Variants in DENND4A observed in about 807,000 individuals in gnomAD.
DENND4A encodes the protein C-myc promoter-binding protein.
In DENND4A, 70 loss-of-function variants were observed where a neutral mutation model predicts 199.3. The observed-to-expected ratio is 0.35, with a 90% CI of 0.29 to 0.43. The LOEUF (loss-of-function observed/expected upper bound fraction) is 0.43, where lower values mean the gene tolerates loss of function less well. DENND4A is among the 20% of genes least tolerant of loss of function. The pLI is 1.00. For missense variants in DENND4A, 1,723 were observed against 2,255.8 expected (o/e 0.76, Z 4.78); for synonymous variants, 686 against 766.9 (o/e 0.89, Z 1.74).
intron 1 of DENND4A, among the ~76,000 whole-genome samples, chr15:65,788,083 T>A (rs534025959): frequency 3.2e-4 from 48 of 150,226 alleles, no homozygotes; most frequent in African/African-American, 1.1e-3. Context: ...ATTTATTTAT[T>A]TTTTTTTTTT....
At chr15:65,693,161 A>G (rs962766734) in intron 22 of DENND4A, among the ~76,000 whole-genome samples, 2 of 152,222 alleles carry the variant, frequency 1.3e-5, no homozygotes, top group Non-Finnish European at 2.9e-5. Flanking sequence ...CAAAGACTGC[A>G]AACTATTTAA....
intron 17 of DENND4A, 144 bp from the exon 18 acceptor site, chr15:65,702,034 A>C (rs1567022523): frequency 1.7e-6 from 2 of 1,184,592 alleles, no homozygotes; most frequent in Non-Finnish European, 2.4e-6. Flanking sequence ...AGGGCAAGGC[A>C]GGTGAAGCTC....
At chr15:65,725,134 T>A (rs2075763599) in intron 11 of DENND4A, among the ~76,000 whole-genome samples, 1 of 152,234 alleles carries the variant, frequency 6.6e-6, no homozygotes, top group South Asian at 2.1e-4. Flanking sequence ...TCTATGATCA[T>A]CTTCTTATAA....
intron 24 of DENND4A, among the ~76,000 whole-genome samples, chr15:65,676,140 A>AT (rs1468130941): frequency 1.2e-4 from 17 of 136,626 alleles, no homozygotes; most frequent in African/African-American, 3.7e-4. Context: ...TAATAAGGAA[A>AT]AATATATATA....
At chr15:65,704,276 C>G (rs2074972072) in intron 15 of DENND4A, among the ~76,000 whole-genome samples, 1 of 151,936 alleles carries the variant, frequency 6.6e-6, no homozygotes, top group African/African-American at 2.4e-5. Flanking sequence ...CGGTGTTTTC[C>G]CAATTATGGT....
In DENND4A at chr15:65,696,363, T is replaced by C; in HGVS notation, c.3082+3A>G. On this transcript the variant is annotated splice_donor_region_variant and intron_variant, in intron 22 of 32. Transcript: ENST00000443035. ...CATAACACAAGCGTACTATTCAACT[T>C]ACCCATGCTTTCTCCTGATATTTTA... is the stretch of plus-strand genomic sequence containing the variant. 6.2e-7 allele frequency: 1 copy of C among 1,611,390 alleles called. No homozygotes were observed. The highest frequency in any genetic ancestry group is 8.5e-7 in the Non-Finnish European group (1 of 1,178,198).
intron 2 of DENND4A, among the ~76,000 whole-genome samples, chr15:65,757,269 G>C (rs993607795): frequency 1.3e-5 from 2 of 148,600 alleles, no homozygotes; most frequent in African/African-American, 2.5e-5. Context: ...AGATGGGGGG[G>C]GGGGGGTCTC....
chr15:65,662,063 A>G, intron 32 of DENND4A, 76 bp from the exon 33 acceptor site: 1 of 1,232,048 alleles, frequency 8.1e-7, no homozygotes, highest in East Asian at 2.5e-5. Flanking sequence ...TTTCTATAAT[A>G]CTACAGAAAC....
intron 1 of DENND4A, among the ~76,000 whole-genome samples, chr15:65,774,055 C>T (rs528636590): frequency 1.3e-5 from 2 of 152,324 alleles, no homozygotes; most frequent in East Asian, 1.9e-4. Context: ...AAGAAAAATA[C>T]TGATATAAAA....
At chr15:65,738,272 A>G (rs969264409) in intron 6 of DENND4A, among the ~76,000 whole-genome samples, 5 of 152,230 alleles carry the variant, frequency 3.3e-5, no homozygotes, top group African/African-American at 1.2e-4. Context: ...AACTTTAGAT[A>G]ACGAAATACA....
At chr15:65,696,324 C>G (rs1394685609) in intron 22 of DENND4A, 42 bp downstream of exon 22, 12 of 1,584,786 alleles carry the variant, frequency 7.6e-6, no homozygotes, top group Non-Finnish European at 9.4e-6. Context: ...CATACAGATA[C>G]AATTTATTCC....
chr15:65,706,446 TAACACACACACAC>T (rs2075053335), intron 14 of DENND4A, among the ~76,000 whole-genome samples: 1 of 94,722 alleles, frequency 1.1e-5, no homozygotes, highest in African/African-American at 4.2e-5. Flanking sequence ...AAGGGGAAAA[TAACACACACACAC>T]ACACACACAC....
intron 19 of DENND4A, 102 bp downstream of exon 19, chr15:65,700,949 C>T (rs2074848099): frequency 2.3e-6 from 3 of 1,325,700 alleles, no homozygotes; most frequent in African/African-American, 3.1e-5. Context: ...AAACTAAAAA[C>T]TAAAACATTC....
intron 23 of DENND4A, among the ~76,000 whole-genome samples, chr15:65,687,042 T>C (rs905161216): frequency 2.6e-5 from 4 of 152,272 alleles, no homozygotes; most frequent in Non-Finnish European, 1.5e-5. Context: ...ATTGTTATCA[T>C]TTAATTATTC....
At chr15:65,757,352 G>C (rs1001349683) in intron 2 of DENND4A, among the ~76,000 whole-genome samples, 22 of 152,038 alleles carry the variant, frequency 1.4e-4, no homozygotes, top group African/African-American at 5.1e-4. Context: ...CAAAGTGCTG[G>C]GATTACAGGC....
At position 65,704,602 on chromosome 15, in the gene DENND4A, T is replaced by C. The variant is rs145457225; in HGVS notation, c.2087+1489A>G. Among the ~76,000 whole-genome samples the C allele has an allele frequency of 5.8e-4, 89 of 152,258 alleles. 2 individuals are homozygous for C. In the East Asian group the frequency reaches 0.014, roughly 23 times the overall value. On this transcript the variant is annotated intron_variant, in intron 15 of 32. Transcript: ENST00000443035. ...GTTGCACAGGCTGAAATAATGTGGT[T>C]TTTTTGGAGATAGAGTCTCGTTCTG... is the stretch of plus-strand genomic sequence containing the variant.
chr15:65,773,289 A>G (rs566061828), intron 1 of DENND4A, among the ~76,000 whole-genome samples: 3 of 152,344 alleles, frequency 2.0e-5, no homozygotes, highest in Admixed American at 1.3e-4. Context: ...TTTGCAACCA[A>G]GAATCCTAAA....
chr15:65,773,534 T>C (rs893638654), intron 1 of DENND4A, among the ~76,000 whole-genome samples: 2 of 152,104 alleles, frequency 1.3e-5, no homozygotes, highest in African/African-American at 4.8e-5. Context: ...CAGTAGGTGA[T>C]AGAGGAGAGA....
rs984235905 is a variant in DENND4A at position 65,662,226 on chromosome 15, C to T, written c.5588-239G>A. Among the ~76,000 whole-genome samples, 7 of 152,182 alleles carry T rather than the reference C, an allele frequency of 4.6e-5. No homozygotes were observed. In the South Asian group the frequency reaches 6.2e-4, roughly 14 times the overall value. On this transcript the variant is annotated intron_variant, in intron 32 of 32. Coordinates refer to ENST00000443035, the MANE Select transcript of DENND4A (RefSeq NM_001320835.1). ...GTTAAAAACCACCAAATACCACACA[C>T]ACTTTTTTGGTACTTTGCTTTGCAT...
Sources: allele counts gnomAD v4.1 joint callset (sites outside exome capture counted in the v4.1 genomes callset), GRCh38; gene constraint gnomAD v4.1.1; transcripts MANE v1.5; gene names NCBI Gene and HGNC (gene_info 2026-07-23, HGNC 2026-07-21).